Variants in OSTC observed in about 807,000 individuals in gnomAD.
OSTC encodes oligosaccharyltransferase complex subunit OSTC.
A neutral mutation model predicts 16.4 loss-of-function variants in OSTC; 16 were observed. The observed-to-expected ratio is 0.98, with a 90% CI of 0.66 to 1.49. The LOEUF (loss-of-function observed/expected upper bound fraction) is 1.49, where lower values mean the gene tolerates loss of function less well. OSTC is among the 40% of genes most tolerant of loss of function. OSTC has a pLI of 0.00. For synonymous variants in OSTC, 67 were observed against 68.5 expected (o/e 0.98, Z 0.11); for missense variants, 139 against 186.3 (o/e 0.75, Z 1.48).
At chr4:108,657,412 ATTTG>A (rs1726738097) in intron 2 of OSTC, 34 bp from the exon 3 acceptor site, 1 of 1,534,634 alleles carries the variant, frequency 6.5e-7, no homozygotes. Flanking sequence ...AAACATTTCT[ATTTG>A]TTATCTTTCT....
In OSTC at chr4:108,663,646, C is replaced by T. The variant is rs189812367; in HGVS notation, c.432-3601C>T. The stretch of plus-strand genomic sequence containing the variant: ...TCTGGCCTTGTGATTTTTGAGCAAA[C>T]GACTTAATTGCTGTCACACTCTTCA... On this transcript the variant is annotated intron_variant, in intron 3 of 3. Transcript: ENST00000361564. Among the ~76,000 whole-genome samples, 186 of 152,194 alleles carry T rather than the reference C, an allele frequency of 1.2e-3. 3 individuals are homozygous for T. The highest frequency in any genetic ancestry group is 0.011 in the Admixed American group (172 of 15,274).
intron 3 of OSTC, among the ~76,000 whole-genome samples, chr4:108,658,496 T>C (rs1456671499): frequency 6.6e-6 from 1 of 152,014 alleles, no homozygotes; most frequent in African/African-American, 2.4e-5. Flanking sequence ...TTCAGAAAAC[T>C]TTTCAATATC....
At chr4:108,663,124 T>C (rs1578342468) in intron 3 of OSTC, 2 of 437,382 alleles carry the variant, frequency 4.6e-6, no homozygotes, top group Non-Finnish European at 9.1e-6. Context: ...TGTCAGTGTT[T>C]TCATTCTAAA....
chr4:108,662,601 T>G (rs1471764112), intron 3 of OSTC, among the ~76,000 whole-genome samples: 1 of 152,244 alleles, frequency 6.6e-6, no homozygotes, highest in Non-Finnish European at 1.5e-5. Context: ...TTCCCTCTTC[T>G]TCTTTTCAGT....
chr4:108,662,917 A>G (rs1726894376), intron 3 of OSTC, among the ~76,000 whole-genome samples: 1 of 152,234 alleles, frequency 6.6e-6, no homozygotes. Context: ...GACAATGTGT[A>G]GTAGAGAGGG....
In OSTC at chr4:108,657,537, G is replaced by C. The variant is rs150377790; in HGVS notation, c.321G>C (p.Ser107=). Residue 107 remains serine (S), a synonymous_variant, in exon 3 of 4, where the codon TCG becomes TCC. Transcript: ENST00000361564. ...TAGGTTTCATAATCCTGGACCGATC[G>C]AATGCACCAAATATCCCAAAACTCA... is the stretch of plus-strand genomic sequence containing the variant. ...GGLGFIILDR[S]NAPNIPKLNR... The C allele has an allele frequency of 6.2e-7, 1 of 1,613,540 alleles. No individual in the cohort carries two copies. The highest frequency in any genetic ancestry group is 2.2e-5 in the East Asian group (1 of 44,830).
chr4:108,658,425 T>TTGTGTGTGTG (rs77284877), intron 3 of OSTC, among the ~76,000 whole-genome samples: 2,144 of 150,022 alleles, frequency 0.014, 36 homozygotes, highest in African/African-American at 0.046. Context: ...ATTTATATAT[T>TTGTGTGTGTG]TGTGTGTGTG....
At position 108,650,866 on chromosome 4, in the gene OSTC, C is replaced by T. The variant is rs1211999552; in HGVS notation, c.139+72C>T. 5.6e-6 allele frequency: 9 copies of T among 1,601,988 alleles called. No individual in the cohort carries two copies. In the East Asian group the frequency reaches 1.3e-4, roughly 24 times the overall value. Reference sequence around the variant, plus strand: ...CCCGCCCCGGGAGGCGCGTCTGTTCCGCTGACTCTCAGCCCCGGGGGAAGC... The same window carrying T: ...CCCGCCCCGGGAGGCGCGTCTGTTCTGCTGACTCTCAGCCCCGGGGGAAGC... On this transcript the variant is annotated intron_variant, in intron 1 of 3. Transcript: ENST00000361564.
At chr4:108,654,268 G>A (rs1341385193) in intron 1 of OSTC, among the ~76,000 whole-genome samples, 2 of 152,236 alleles carry the variant, frequency 1.3e-5, no homozygotes, top group African/African-American at 2.4e-5. Flanking sequence ...TAAGAAAGGG[G>A]AGATGGCAAG....
intron 1 of OSTC, among the ~76,000 whole-genome samples, chr4:108,651,982 T>C (rs1726565866): frequency 6.6e-6 from 1 of 152,230 alleles, no homozygotes; most frequent in African/African-American, 2.4e-5. Flanking sequence ...TAAATACTTA[T>C]TTGGTAACAA....
intron 1 of OSTC, among the ~76,000 whole-genome samples, chr4:108,653,272 A>G (rs1726603781): frequency 6.6e-6 from 1 of 152,242 alleles, no homozygotes; most frequent in Non-Finnish European, 1.5e-5. Context: ...ATACAGTGAA[A>G]GAAAAGAACA....
intron 1 of OSTC, among the ~76,000 whole-genome samples, 183 bp from the exon 2 acceptor site, chr4:108,655,381 G>T (rs188973871): frequency 1.8e-4 from 27 of 152,146 alleles, no homozygotes; most frequent in African/African-American, 6.5e-4. Context: ...CAGGAGAATT[G>T]CTTCAACTTG....
chr4:108,654,665 A>G (rs565391568), intron 1 of OSTC, among the ~76,000 whole-genome samples: 1 of 152,338 alleles, frequency 6.6e-6, no homozygotes, highest in South Asian at 2.1e-4. Flanking sequence ...GCTGGAGATG[A>G]AGATGTTTGA....
chr4:108,656,252 T>TA (rs1560622930), intron 2 of OSTC, among the ~76,000 whole-genome samples: 6 of 151,596 alleles, frequency 4.0e-5, no homozygotes, highest in African/African-American at 1.5e-4. Flanking sequence ...AAAATTTACT[T>TA]AATATCTACC....
intron 3 of OSTC, among the ~76,000 whole-genome samples, chr4:108,666,234 T>C (rs573847831): frequency 2.8e-4 from 42 of 152,310 alleles, no homozygotes; most frequent in African/African-American, 1.0e-3. Context: ...TCTCTTCTGG[T>C]AATATTAGAG....
intron 3 of OSTC, among the ~76,000 whole-genome samples, chr4:108,661,669 C>T (rs552943450): frequency 6.6e-6 from 1 of 152,306 alleles, no homozygotes; most frequent in South Asian, 2.1e-4. Context: ...GCGGTCTCGG[C>T]TCACTGCTAC....
chr4:108,656,340 T>C (rs1287703791), intron 2 of OSTC, among the ~76,000 whole-genome samples: 2 of 152,284 alleles, frequency 1.3e-5, no homozygotes, highest in East Asian at 3.9e-4. Flanking sequence ...ATTAGTATTC[T>C]CTGTGGAGGG....
At position 108,664,674 on chromosome 4, in the gene OSTC, A is replaced by G. The variant is rs60118861; in HGVS notation, c.432-2573A>G. ...GGTGGCATGATCTCGGTTCACTGCA[A>G]TCTCCGCCTCCCAGGTTCAAGTGAT... On this transcript the variant is annotated intron_variant, in intron 3 of 3. Transcript: ENST00000361564. Among the ~76,000 whole-genome samples, 1,130 of 151,706 alleles carry G rather than the reference A, an allele frequency of 7.4e-3. 13 individuals carry two copies. Among genetic ancestry groups the G allele is most frequent in the African/African-American group, 0.026 (1,075 of 41,278 alleles).
At chr4:108,654,575 G>A (rs946025798) in intron 1 of OSTC, among the ~76,000 whole-genome samples, 1 of 152,152 alleles carries the variant, frequency 6.6e-6, no homozygotes, top group African/African-American at 2.4e-5. Context: ...TAGATTTGGT[G>A]GGGAAAAGAC....
Sources: gnomAD v4.1 joint callset for allele counts (sites outside exome capture counted in the v4.1 genomes callset) on GRCh38, gnomAD v4.1.1 for gene constraint, MANE v1.5 for transcripts, NCBI Gene and HGNC (gene_info 2026-07-23, HGNC 2026-07-21) for gene names.